The following NKAIN2 variants were observed in gnomAD, a reference collection of about 807,000 sequenced individuals.
The protein encoded by NKAIN2 is sodium/potassium transporting ATPase interacting 2.
A neutral mutation model predicts 32.6 loss-of-function variants in NKAIN2; 14 were observed. That is an observed-to-expected ratio of 0.43 (90% CI 0.28 to 0.67). The LOEUF is 0.67. NKAIN2 is among the 30% of genes least tolerant of loss of function. NKAIN2 has a pLI of 0.17. For missense variants in NKAIN2, 198 were observed against 258.3 expected, an observed-to-expected ratio of 0.77 and a Z score of 1.60; for synonymous variants, 80 against 87.2, an observed-to-expected ratio of 0.92 and a Z score of 0.46.
intron 1 of NKAIN2, among the ~76,000 whole-genome samples, chr6:124,190,666 TAGTA>T (rs1440141057): frequency 1.3e-5 from 2 of 152,112 alleles, no homozygotes; most frequent in Non-Finnish European, 2.9e-5. Context: ...GCATATACGG[TAGTA>T]AGTGATTCAG....
intron 1 of NKAIN2, among the ~76,000 whole-genome samples, chr6:124,116,314 T>G (rs940776405): frequency 6.6e-6 from 1 of 152,124 alleles, no homozygotes; most frequent in Non-Finnish European, 1.5e-5. Context: ...CACACACTTG[T>G]ACCTTCTGGT....
intron 3 of NKAIN2, among the ~76,000 whole-genome samples, chr6:124,414,943 T>G (rs1280116887): frequency 6.6e-6 from 1 of 151,792 alleles, no homozygotes; most frequent in African/African-American, 2.4e-5. Flanking sequence ...AGAATCAGCT[T>G]TAAAAAAGAA....
intron 3 of NKAIN2, among the ~76,000 whole-genome samples, chr6:124,602,800 G>T (rs1196223593): frequency 6.6e-6 from 1 of 151,792 alleles, no homozygotes; most frequent in Non-Finnish European, 1.5e-5. Context: ...CCACATTCTG[G>T]AATGTAGAAC....
At chr6:124,641,568 T>C (rs895084420) in intron 3 of NKAIN2, among the ~76,000 whole-genome samples, 12 of 133,294 alleles carry the variant, frequency 9.0e-5, no homozygotes, top group Non-Finnish European at 1.6e-4. Flanking sequence ...TTTTTTTTTT[T>C]TGAGACAGTG....
intron 1 of NKAIN2, among the ~76,000 whole-genome samples, chr6:124,103,732 A>C (rs1042699067): frequency 6.6e-6 from 1 of 152,214 alleles, no homozygotes; most frequent in Admixed American, 6.5e-5. Context: ...AGTATAATAA[A>C]GAAAGTAGAA....
At position 124,578,790 on chromosome 6, in the gene NKAIN2, A is replaced by C. The variant is rs184224472; in HGVS notation, c.274-79396A>C. ...GTGCTGGCTTCAGGTCTGACCCAGC[A>C]CAGTCCCAGTGGTGGTGGCCAGAGG... On this transcript the variant is annotated intron_variant, in intron 3 of 6. Coordinates refer to ENST00000368417, the MANE Select transcript of NKAIN2 (RefSeq NM_001040214.3). Among the ~76,000 whole-genome samples, 3 of 152,194 alleles carry C rather than the reference A, an allele frequency of 2.0e-5. No individual in the cohort carries two copies. In the East Asian group the frequency reaches 5.8e-4, roughly 30 times the overall value.
chr6:124,769,184 T>C (rs553389896), intron 4 of NKAIN2, among the ~76,000 whole-genome samples: 1 of 152,202 alleles, frequency 6.6e-6, no homozygotes, highest in East Asian at 1.9e-4. Flanking sequence ...AAAGAAACAG[T>C]TTTTCTTATC....
intron 1 of NKAIN2, among the ~76,000 whole-genome samples, chr6:124,164,141 A>G (rs1788412912): frequency 6.6e-6 from 1 of 152,150 alleles, no homozygotes; most frequent in Non-Finnish European, 1.5e-5. Flanking sequence ...ATTGTAAACA[A>G]GATTTTAGCA....
chr6:124,238,608 T>G (rs1293296667), intron 1 of NKAIN2, among the ~76,000 whole-genome samples: 1 of 151,740 alleles, frequency 6.6e-6, no homozygotes, highest in Non-Finnish European at 1.5e-5. Flanking sequence ...AGAAGGCGGG[T>G]GATTTCTGCA....
rs571124477 is a variant in NKAIN2 at position 123,845,482 on chromosome 6, G to A, written c.54+41228G>A. The stretch of plus-strand genomic sequence containing the variant: ...AACACCAAATCCTGTGTTATCACAA[G>A]TGAATTGTATAATTTGGGTTTCTCT... On this transcript the variant is annotated intron_variant, in intron 1 of 6. Coordinates refer to ENST00000368417, the MANE Select transcript of NKAIN2 (RefSeq NM_001040214.3). Among the ~76,000 whole-genome samples the A allele has an allele frequency of 2.0e-5, 3 of 152,318 alleles. No homozygotes were observed. In the South Asian group the frequency reaches 6.2e-4, roughly 32 times the overall value.
chr6:124,314,137 A>G (rs1583034119), intron 2 of NKAIN2, among the ~76,000 whole-genome samples: 1 of 152,092 alleles, frequency 6.6e-6, no homozygotes, highest in Non-Finnish European at 1.5e-5. Flanking sequence ...CCCTCTTTTT[A>G]GAATATGAAG....
At chr6:124,227,275 T>G (rs1003135112) in intron 1 of NKAIN2, among the ~76,000 whole-genome samples, 1 of 152,208 alleles carries the variant, frequency 6.6e-6, no homozygotes, top group South Asian at 2.1e-4. Context: ...ATGGACTGAC[T>G]TTCCCTTCCT....
intron 3 of NKAIN2, among the ~76,000 whole-genome samples, chr6:124,617,035 T>C (rs1782933713): frequency 6.6e-6 from 1 of 152,198 alleles, no homozygotes; most frequent in Admixed American, 6.5e-5. Context: ...CAGGTTAGTT[T>C]GAGTTCAAGA....
chr6:123,899,165 G>C (rs1774436365), intron 1 of NKAIN2, among the ~76,000 whole-genome samples: 1 of 152,186 alleles, frequency 6.6e-6, no homozygotes, highest in Non-Finnish European at 1.5e-5. Context: ...TGAAGCTTAG[G>C]CAGATAAATT....
intron 1 of NKAIN2, among the ~76,000 whole-genome samples, chr6:123,839,117 G>A (rs573277740): frequency 2.0e-5 from 3 of 151,892 alleles, no homozygotes; most frequent in East Asian, 3.9e-4. Flanking sequence ...TGTGTGTCCT[G>A]TTTGGTTAGC....
intron 3 of NKAIN2, among the ~76,000 whole-genome samples, chr6:124,465,017 A>T (rs558073856): frequency 2.0e-5 from 3 of 152,084 alleles, no homozygotes; most frequent in East Asian, 3.9e-4. Flanking sequence ...CTGTTTTTCC[A>T]TTTGATTATG....
At chr6:123,805,506 G>C (rs2114849317) in intron 1 of NKAIN2, among the ~76,000 whole-genome samples, 1 of 152,264 alleles carries the variant, frequency 6.6e-6, no homozygotes, top group South Asian at 2.1e-4. Flanking sequence ...TGTCTATTTT[G>C]ATCTGTGATT....
At chr6:124,217,487 A>C (rs1791539543) in intron 1 of NKAIN2, among the ~76,000 whole-genome samples, 1 of 152,122 alleles carries the variant, frequency 6.6e-6, no homozygotes. Context: ...AATAAATTAT[A>C]CTAAAAACGA....
intron 1 of NKAIN2, among the ~76,000 whole-genome samples, chr6:124,271,895 T>G (rs1057327330): frequency 6.6e-6 from 1 of 152,086 alleles, no homozygotes; most frequent in South Asian, 2.1e-4. Context: ...GCCCTAAAGA[T>G]CTATGGAAAT....
Sources: allele counts gnomAD v4.1 joint callset (sites outside exome capture counted in the v4.1 genomes callset), GRCh38; gene constraint gnomAD v4.1.1; transcripts MANE v1.5; gene names NCBI Gene and HGNC (gene_info 2026-07-23, HGNC 2026-07-21).